SGIP1: variants seen among roughly 807,000 people sequenced by gnomAD.
SGIP1 encodes SH3GL interacting endocytic adaptor 1.
Under a neutral mutation model 107.5 loss-of-function variants are expected in SGIP1, and 38 were observed. The observed-to-expected ratio is 0.35, with a 90% CI of 0.27 to 0.46. The LOEUF (loss-of-function observed/expected upper bound fraction) is 0.46. Among genes scored for constraint, SGIP1 ranks in the 20% least tolerant of loss-of-function variants. The pLI, the probability that SGIP1 is intolerant of heterozygous loss-of-function variation, is 1.00. For synonymous variants in SGIP1, 365 were observed against 366.1 expected (o/e 1.00, Z 0.03); for missense variants, 929 against 1,019.5 (o/e 0.91, Z 1.21).
chr1:66,718,883 G>A (rs1224534562), intron 18 of SGIP1, among the ~76,000 whole-genome samples: 2 of 152,102 alleles, frequency 1.3e-5, no homozygotes, highest in East Asian at 3.8e-4. Context: ...TCAAAATGAA[G>A]AAATGAAAAA....
intron 7 of SGIP1, among the ~76,000 whole-genome samples, chr1:66,651,782 T>C (rs2078809768): frequency 6.6e-6 from 1 of 152,206 alleles, no homozygotes; most frequent in Non-Finnish European, 1.5e-5. Flanking sequence ...TGATATGTGA[T>C]TTCTCATTTA....
chr1:66,607,753 T>C (rs3901541), intron 1 of SGIP1, among the ~76,000 whole-genome samples: 20,209 of 152,198 alleles, frequency 0.13, 1,371 homozygotes, highest in African/African-American at 0.14. Context: ...CTTAAAAAGT[T>C]AGCACTTGGT....
rs147513322 is a variant in SGIP1 at position 66,577,825 on chromosome 1, G to A, written c.10+43457G>A. ...GTTGCATACCCAAAAAGAAGAGGAG[G>A]AGGAATAGGACAATGACAGCAGGCT... is the stretch of plus-strand genomic sequence containing the variant. On this transcript the variant is annotated intron_variant, in intron 1 of 24. Transcript: ENST00000371037. 2.0e-5 allele frequency among the ~76,000 whole-genome samples: 3 copies of A among 150,924 alleles called. No individual in the cohort carries two copies. The East Asian group carries it at 5.9e-4, about 30-fold the overall frequency.
At chr1:66,552,647 G>T (rs963542498) in intron 1 of SGIP1, among the ~76,000 whole-genome samples, 2 of 152,002 alleles carry the variant, frequency 1.3e-5, no homozygotes, top group Non-Finnish European at 2.9e-5. Flanking sequence ...TCTTCTCTGT[G>T]CCTCTACTTT....
chr1:66,601,996 A>G (rs1233183074), intron 1 of SGIP1, among the ~76,000 whole-genome samples: 1 of 152,212 alleles, frequency 6.6e-6, no homozygotes, highest in Non-Finnish European at 1.5e-5. Context: ...TTCTGATGCA[A>G]TGTCCCAAAC....
At chr1:66,559,159 T>G (rs1434370070) in intron 1 of SGIP1, among the ~76,000 whole-genome samples, 1 of 152,054 alleles carries the variant, frequency 6.6e-6, no homozygotes, top group African/African-American at 2.4e-5. Flanking sequence ...GCAGAAAACA[T>G]GTACCAATCT....
At chr1:66,590,100 A>T (rs2063379875) in intron 1 of SGIP1, among the ~76,000 whole-genome samples, 1 of 152,206 alleles carries the variant, frequency 6.6e-6, no homozygotes, top group Non-Finnish European at 1.5e-5. Context: ...CCAATTCAAA[A>T]ATCAAAATGA....
At chr1:66,651,596 C>T (rs189234660) in intron 7 of SGIP1, among the ~76,000 whole-genome samples, 53 of 152,252 alleles carry the variant, frequency 3.5e-4, no homozygotes, top group Middle Eastern at 3.4e-3. Context: ...TCAAAGGGCC[C>T]ATAATCCCAG....
intron 1 of SGIP1, among the ~76,000 whole-genome samples, chr1:66,605,110 G>T (rs1221593345): frequency 6.6e-6 from 1 of 152,070 alleles, no homozygotes; most frequent in Non-Finnish European, 1.5e-5. Context: ...TCAACATGAA[G>T]TCCAAGCCAC....
At chr1:66,574,109 C>A (rs2060740336) in intron 1 of SGIP1, among the ~76,000 whole-genome samples, 1 of 152,102 alleles carries the variant, frequency 6.6e-6, no homozygotes, top group South Asian at 2.1e-4. Context: ...AGGAGCCTCC[C>A]ACGCAGTCAT....
At chr1:66,589,202 A>ATGTGTGTGTGTGTG (rs1265607889) in intron 1 of SGIP1, among the ~76,000 whole-genome samples, 57 of 52,592 alleles carry the variant, frequency 1.1e-3, no homozygotes, top group Non-Finnish European at 1.8e-3. Flanking sequence ...ATATATATAT[A>ATGTGTGTGTGTGTG]TATATATATA....
At chr1:66,644,154 T>C (rs1411028807) in intron 7 of SGIP1, 1 of 152,298 alleles carries the variant, frequency 6.6e-6, no homozygotes, top group Non-Finnish European at 1.5e-5. Flanking sequence ...TTATTTTTTG[T>C]ATTGCTATGC....
At position 66,676,933 on chromosome 1, in the gene SGIP1, C is replaced by A. The variant is rs1364587585; in HGVS notation, c.647-71C>A. On this transcript the variant is annotated intron_variant, in intron 12 of 24. Coordinates refer to ENST00000371037, the MANE Select transcript of SGIP1 (RefSeq NM_032291.4). ...AATTTTGTAAAGCTCAACTTGAAAT[C>A]GAAATTTTAAGTTCTAAAGTATGGG... The A allele has an allele frequency of 4.7e-6, 6 of 1,281,682 alleles. 1 individual carries two copies. The highest frequency in any genetic ancestry group is 4.0e-5 in the South Asian group (3 of 74,106). The allele number at this position is 1,281,682 out of a possible 1,614,324, so 79.4% of individuals were successfully genotyped here.
At chr1:66,627,296 G>A (rs2073085640) in intron 2 of SGIP1, among the ~76,000 whole-genome samples, 1 of 152,078 alleles carries the variant, frequency 6.6e-6, no homozygotes, top group South Asian at 2.1e-4. Context: ...AGAAGATGAG[G>A]ATGTGTATTT....
intron 7 of SGIP1, among the ~76,000 whole-genome samples, chr1:66,647,606 C>T (rs547703538): frequency 7.9e-5 from 12 of 152,258 alleles, no homozygotes; most frequent in African/African-American, 1.9e-4. Context: ...CATTAGGAAA[C>T]GGGATTTCTT....
chr1:66,539,667 A>T (rs2054439498), intron 1 of SGIP1, among the ~76,000 whole-genome samples: 1 of 152,164 alleles, frequency 6.6e-6, no homozygotes, highest in African/African-American at 2.4e-5. Flanking sequence ...CTGCCTCCTC[A>T]TGTTTAGAAT....
chr1:66,570,035 T>A (rs1023734391), intron 1 of SGIP1, among the ~76,000 whole-genome samples: 1 of 151,852 alleles, frequency 6.6e-6, no homozygotes, highest in African/African-American at 2.4e-5. Flanking sequence ...TCCTTAATTA[T>A]CCTTTTAATG....
intron 7 of SGIP1, among the ~76,000 whole-genome samples, chr1:66,644,415 C>T (rs977846949): frequency 1.3e-5 from 2 of 151,702 alleles, no homozygotes; most frequent in Admixed American, 6.6e-5. Context: ...TACTAAGTTT[C>T]TTTAATTGCT....
chr1:66,668,763 C>T (rs764430730), intron 9 of SGIP1, among the ~76,000 whole-genome samples: 3 of 152,176 alleles, frequency 2.0e-5, no homozygotes, highest in Admixed American at 6.5e-5. Flanking sequence ...ATGATTCCAA[C>T]CCAGCTGTTA....
Sources: allele counts gnomAD v4.1 joint callset (sites outside exome capture counted in the v4.1 genomes callset), GRCh38; gene constraint gnomAD v4.1.1; transcripts MANE v1.5; gene names NCBI Gene and HGNC (gene_info 2026-07-23, HGNC 2026-07-21).